Variants in INSR observed in about 807,000 individuals in gnomAD.
INSR encodes IR.
Under a neutral mutation model 142.6 loss-of-function variants are expected in INSR, and 67 were observed. That is an observed-to-expected ratio of 0.47 (90% CI 0.39 to 0.58). INSR has a LOEUF of 0.58. Among genes scored for constraint, INSR ranks in the 20% least tolerant of loss-of-function variants. The pLI is 0.00. For synonymous variants in INSR, 756 were observed against 743.1 expected, an observed-to-expected ratio of 1.02 and a Z score of -0.28; for missense variants, 1,248 against 1,833.2, an observed-to-expected ratio of 0.68 and a Z score of 5.83.
chr19:7,138,451 T>G (rs1354705520), intron 13 of INSR, among the ~76,000 whole-genome samples: 1 of 151,844 alleles, frequency 6.6e-6, no homozygotes, highest in African/African-American at 2.4e-5. Flanking sequence ...CACAGCCCAC[T>G]ATAACCTGGA....
chr19:7,289,649 G>T (rs1056367184), intron 1 of INSR, among the ~76,000 whole-genome samples: 1 of 151,906 alleles, frequency 6.6e-6, no homozygotes, highest in African/African-American at 2.4e-5. Flanking sequence ...CAGGGGATCC[G>T]CCCACCTCAG....
At chr19:7,165,454 T>C (rs908316124) in intron 8 of INSR, among the ~76,000 whole-genome samples, 5 of 152,060 alleles carry the variant, frequency 3.3e-5, no homozygotes, top group Non-Finnish European at 7.4e-5. Flanking sequence ...TTGTTCTGTG[T>C]TGTGAATATT....
At chr19:7,201,876 TG>T (rs1974968426) in intron 2 of INSR, among the ~76,000 whole-genome samples, 2 of 152,092 alleles carry the variant, frequency 1.3e-5, no homozygotes, top group South Asian at 4.2e-4. Context: ...TTAACCAGGA[TG>T]GTTTCGATCT....
intron 2 of INSR, among the ~76,000 whole-genome samples, chr19:7,215,104 C>T (rs145390977): frequency 2.6e-5 from 4 of 151,956 alleles, no homozygotes; most frequent in South Asian, 4.2e-4. Flanking sequence ...TACAGGCACA[C>T]GCCACTGTGC....
At chr19:7,196,749 TAAAA>T (rs11334237) in intron 2 of INSR, among the ~76,000 whole-genome samples, 3 of 144,714 alleles carry the variant, frequency 2.1e-5, no homozygotes, top group African/African-American at 7.6e-5. Context: ...AAAAAAAACT[TAAAA>T]AAAAAAAGTT....
chr19:7,145,570 T>C (rs186161590), intron 11 of INSR, among the ~76,000 whole-genome samples: 1 of 152,314 alleles, frequency 6.6e-6, no homozygotes, highest in Admixed American at 6.5e-5. Flanking sequence ...AATAAATATT[T>C]TGGGTTTTGC....
Position 7,264,588 on chromosome 19 carries a change from C to T in INSR, c.652+2757G>A, listed in dbSNP as rs981978609. Among the ~76,000 whole-genome samples the T allele has an allele frequency of 1.9e-4, 29 of 152,306 alleles. 1 individual carries two copies. The highest frequency in any genetic ancestry group is 7.0e-4 in the African/African-American group (29 of 41,566). On this transcript the variant is annotated intron_variant, in intron 2 of 21. Transcript: ENST00000302850. ...CCCCTGGTGTCCCAGCTAGAAGCAGCTCACTTGTTTCTAAACAGAGAGGAC... is the reference window on the plus strand; with the variant it reads ...CCCCTGGTGTCCCAGCTAGAAGCAGTTCACTTGTTTCTAAACAGAGAGGAC...
intron 2 of INSR, among the ~76,000 whole-genome samples, chr19:7,232,742 G>A (rs983216730): frequency 1.3e-5 from 2 of 151,598 alleles, no homozygotes; most frequent in Non-Finnish European, 2.9e-5. Context: ...CCCGGGAGGC[G>A]GAGCTTGCAG....
In INSR at chr19:7,177,077, C is replaced by A. The variant is rs576549730; in HGVS notation, c.975-2346G>T. Reference sequence around the variant, plus strand: ...GCCTGATGCCATCAAACTCACAGCCCCCAGGAGTCCTTTGGGAACCAGTCC... The same window carrying A: ...GCCTGATGCCATCAAACTCACAGCCACCAGGAGTCCTTTGGGAACCAGTCC... On this transcript the variant is annotated intron_variant, in intron 3 of 21. Coordinates refer to ENST00000302850, the MANE Select transcript of INSR (RefSeq NM_000208.4). Among the ~76,000 whole-genome samples the A allele has an allele frequency of 2.6e-5, 4 of 152,254 alleles. No individual in the cohort carries two copies. The East Asian group carries it at 5.8e-4, about 22-fold the overall frequency.
At chr19:7,222,631 G>A (rs1408270077) in intron 2 of INSR, among the ~76,000 whole-genome samples, 5 of 151,938 alleles carry the variant, frequency 3.3e-5, no homozygotes, top group Admixed American at 2.6e-4. Context: ...GGCCTCAAGT[G>A]ATCCTCCCAC....
At chr19:7,214,563 G>T (rs1975373442) in intron 2 of INSR, among the ~76,000 whole-genome samples, 1 of 152,188 alleles carries the variant, frequency 6.6e-6, no homozygotes, top group Admixed American at 6.6e-5. Flanking sequence ...TTGTCCACGT[G>T]AGAGATTTCA....
chr19:7,121,102 A>G (rs1972480898), intron 19 of INSR, among the ~76,000 whole-genome samples: 1 of 151,886 alleles, frequency 6.6e-6, no homozygotes, highest in Admixed American at 6.6e-5. Flanking sequence ...GATTCAAGCA[A>G]TTCTCTTGCC....
At position 7,238,962 on chromosome 19, in the gene INSR, C is replaced by CAAAAAAAAA. The variant is rs71177185; in HGVS notation, c.652+28374_652+28382dup. On this transcript the variant is annotated intron_variant, in intron 2 of 21. Coordinates refer to ENST00000302850, the MANE Select transcript of INSR (RefSeq NM_000208.4). ...AAATGTCCATCAACAGATGAATTCTCAAAAAAAAAAAAAAAAAAAAAAAAG... is the reference window on the plus strand; with the variant it reads ...AAATGTCCATCAACAGATGAATTCTCAAAAAAAAAAAAAAAAAAAAAAAAAAAAAAAAAG... Among the ~76,000 whole-genome samples, 4 of 77,884 alleles carry CAAAAAAAAA rather than the reference C, an allele frequency of 5.1e-5. No homozygotes were observed. The East Asian group carries it at 1.3e-3, about 26-fold the overall frequency. 51.1% of individuals were successfully genotyped at this position (77,884 alleles called of 152,430 possible). A position where few individuals can be genotyped will look rare whatever the true frequency, so the allele number is the denominator to read the frequency against.
intron 11 of INSR, among the ~76,000 whole-genome samples, chr19:7,149,195 C>T (rs561226671): frequency 2.6e-4 from 39 of 152,258 alleles, no homozygotes; most frequent in African/African-American, 9.1e-4. Flanking sequence ...GCGTGAGCCA[C>T]CCGAATATTA....
intron 2 of INSR, among the ~76,000 whole-genome samples, chr19:7,229,953 G>T (rs1232751653): frequency 2.0e-5 from 3 of 151,146 alleles, no homozygotes; most frequent in Admixed American, 6.6e-5. Context: ...TCTTTTTTTT[G>T]TTTGTTTGTT....
intron 13 of INSR, among the ~76,000 whole-genome samples, chr19:7,133,204 G>A (rs970031089): frequency 7.2e-5 from 11 of 152,154 alleles, no homozygotes; most frequent in African/African-American, 2.7e-4. Flanking sequence ...CAAGGGTGCA[G>A]TGAGCTATGA....
chr19:7,153,292 C>CAT, intron 9 of INSR, among the ~76,000 whole-genome samples: 2 of 2,120 alleles, frequency 9.4e-4, no homozygotes, highest in Non-Finnish European at 1.7e-3. Context: ...CACCACACAC[C>CAT]GCACACACAC....
At chr19:7,255,878 C>A (rs1247416283) in intron 2 of INSR, among the ~76,000 whole-genome samples, 2 of 151,980 alleles carry the variant, frequency 1.3e-5, no homozygotes, top group African/African-American at 4.8e-5. Flanking sequence ...CACACCCAAC[C>A]TCATCTTCTT....
At chr19:7,256,381 A>G (rs67301489) in intron 2 of INSR, among the ~76,000 whole-genome samples, 54,201 of 151,974 alleles carry the variant, frequency 0.36, 10,061 homozygotes, top group South Asian at 0.44. Context: ...CCCGGGAGGC[A>G]GGGGTTGCAG....
Sources: gnomAD v4.1 joint callset for allele counts (sites outside exome capture counted in the v4.1 genomes callset) on GRCh38, gnomAD v4.1.1 for gene constraint, MANE v1.5 for transcripts, NCBI Gene and HGNC (gene_info 2026-07-23, HGNC 2026-07-21) for gene names.